The following WASF3 variants were observed in gnomAD, a reference collection of about 807,000 sequenced individuals.
The protein encoded by WASF3 is actin-binding protein WASF3.
WASF3 carries 11 observed loss-of-function variants against 46.6 expected under a neutral mutation model. The ratio of observed to expected loss-of-function variants is 0.24; its 90% CI spans 0.15 to 0.39. The LOEUF (loss-of-function observed/expected upper bound fraction) is 0.39, where lower values mean the gene tolerates loss of function less well. Among genes scored for constraint, WASF3 ranks in the 10% least tolerant of loss-of-function variants. The pLI is 1.00. For synonymous variants in WASF3, 242 were observed against 259.7 expected, an observed-to-expected ratio of 0.93 and a Z score of 0.65; for missense variants, 576 against 669.8, an observed-to-expected ratio of 0.86 and a Z score of 1.55.
At chr13:26,651,656 A>G (rs1235158924) in intron 3 of WASF3, among the ~76,000 whole-genome samples, 2 of 152,246 alleles carry the variant, frequency 1.3e-5, no homozygotes, top group Non-Finnish European at 2.9e-5. Flanking sequence ...ACCATTTGGA[A>G]ACCTGGATCT....
chr13:26,571,256 A>G (rs1879623140), intron 1 of WASF3, among the ~76,000 whole-genome samples: 2 of 146,406 alleles, frequency 1.4e-5, no homozygotes, highest in African/African-American at 5.0e-5. Flanking sequence ...AAATATCTTC[A>G]TGTAGTCAGA....
intron 1 of WASF3, among the ~76,000 whole-genome samples, chr13:26,580,084 A>G (rs1879932913): frequency 6.6e-6 from 1 of 152,166 alleles, no homozygotes; most frequent in Non-Finnish European, 1.5e-5. Flanking sequence ...GTGGCCCAAG[A>G]CAATTCTTCT....
At chr13:26,615,529 G>A (rs145933962) in intron 2 of WASF3, among the ~76,000 whole-genome samples, 2,197 of 152,072 alleles carry the variant, frequency 0.014, 49 homozygotes, top group African/African-American at 0.049. Flanking sequence ...GGATGGTCTC[G>A]ATCTCCTGAC....
the WASF3 span, among the ~76,000 whole-genome samples, chr13:26,544,132 C>T: frequency 6.6e-6 from 1 of 152,118 alleles, no homozygotes; most frequent in East Asian, 1.9e-4. Context: ...CTTACAGGAG[C>T]ATCTAGGAAT....
At chr13:26,603,665 A>G (rs1168761487) in intron 1 of WASF3, among the ~76,000 whole-genome samples, 1 of 152,186 alleles carries the variant, frequency 6.6e-6, no homozygotes, top group Admixed American at 6.5e-5. Flanking sequence ...GTGTCTCTCT[A>G]CTAAAAATAT....
At chr13:26,671,096 A>G (rs2137481219) in intron 5 of WASF3, among the ~76,000 whole-genome samples, 1 of 152,336 alleles carries the variant, frequency 6.6e-6, no homozygotes, top group South Asian at 2.1e-4. Context: ...CTTCAAAAGC[A>G]TTAATAGAAA....
intron 3 of WASF3, among the ~76,000 whole-genome samples, chr13:26,653,543 T>C (rs1334689309): frequency 1.3e-5 from 2 of 152,220 alleles, no homozygotes; most frequent in Non-Finnish European, 2.9e-5. Context: ...TCTTACTTCA[T>C]CTGTTACTGG....
At chr13:26,661,160 A>G (rs1882618308) in intron 3 of WASF3, among the ~76,000 whole-genome samples, 1 of 152,238 alleles carries the variant, frequency 6.6e-6, no homozygotes, top group African/African-American at 2.4e-5. Context: ...GGAGGCAACC[A>G]GCATCCACGC....
At chr13:26,539,847 T>C in the WASF3 span, among the ~76,000 whole-genome samples, 1 of 152,216 alleles carries the variant, frequency 6.6e-6, no homozygotes, top group South Asian at 2.1e-4. Context: ...ACTGGTTCAC[T>C]TGCTGGTTTT....
chr13:26,554,000 T>C, upstream of WASF3, among the ~76,000 whole-genome samples: 1 of 151,834 alleles, frequency 6.6e-6, no homozygotes, highest in African/African-American at 2.4e-5. Context: ...TTCTTTTCTT[T>C]TCCTTTCCTT....
intron 9 of WASF3, among the ~76,000 whole-genome samples, chr13:26,683,586 A>G (rs1346579742): frequency 6.6e-6 from 1 of 152,150 alleles, no homozygotes; most frequent in Non-Finnish European, 1.5e-5. Context: ...ATTCTGCTCT[A>G]AGGGGAAAAG....
rs140514702 is a variant in WASF3, at chr13:26,634,878, C to T, written c.-10-7383C>T. Among the ~76,000 whole-genome samples, 1,148 of 152,246 alleles carry T rather than the reference C, an allele frequency of 7.5e-3. 21 individuals carry two copies. Among genetic ancestry groups the T allele is most frequent in the African/African-American group, 0.025 (1,059 of 41,532 alleles). ...TCCACTGTTAGTCTGATGGGGTTCC[C>T]TTTGTGGGTAACCCGACCTTTCTCT... On this transcript the variant is annotated intron_variant, in intron 2 of 9. Coordinates refer to ENST00000335327, the MANE Select transcript of WASF3 (RefSeq NM_006646.6).
intron 3 of WASF3, among the ~76,000 whole-genome samples, chr13:26,652,052 T>C (rs1280714627): frequency 2.0e-5 from 3 of 152,148 alleles, no homozygotes; most frequent in African/African-American, 4.8e-5. Context: ...AGATGATAGA[T>C]TGAATCCTAA....
At position 26,581,512 on chromosome 13, in the gene WASF3, T is replaced by G. The variant is rs1879979489; in HGVS notation, c.-109+23693T>G. Among the ~76,000 whole-genome samples, 30 of 152,240 alleles carry G rather than the reference T, an allele frequency of 2.0e-4. No homozygotes were observed. The South Asian group carries it at 6.2e-3, about 32-fold the overall frequency. ...TTGAGTTGAGCAAGGCATTTTGATCTATTTCCCCACAGAAATCAGTGGGAA... is the reference window on the plus strand; with the variant it reads ...TTGAGTTGAGCAAGGCATTTTGATCGATTTCCCCACAGAAATCAGTGGGAA... On this transcript the variant is annotated intron_variant, in intron 1 of 9. Transcript: ENST00000335327.
At chr13:26,646,295 T>C (rs1882148633) in intron 3 of WASF3, among the ~76,000 whole-genome samples, 1 of 152,196 alleles carries the variant, frequency 6.6e-6, no homozygotes, top group African/African-American at 2.4e-5. Context: ...TAAAGGAATG[T>C]TTTTATGTTA....
rs779088457 is a variant in WASF3, at chr13:26,682,773, C to A, written c.1150C>A (p.His384Asn). ...CAGCTCCACGCACGCAGCTCCTCCT[C>A]ACCCACCCTCCACCGGGCTCCTGGT... ...SASSTHAAPP[H>N]PPSTGLLVTA... The change falls in exon 9 of 10, where the codon CAC (histidine) becomes AAC (asparagine). Residue 384 changes from histidine (H) to asparagine (N), a missense_variant. Around this residue, in one of 3 missense-constraint regions of WASF3, gnomAD observed 295 missense variants for 291.5 expected, o/e 1.01. Coordinates refer to ENST00000335327, the MANE Select transcript of WASF3 (RefSeq NM_006646.6). The surrounding 1 kb of genome is among the most constrained non-coding windows in gnomAD (Gnocchi z 4.4). The A allele has an allele frequency of 1.9e-6, 3 of 1,612,402 alleles. No homozygotes were observed. The highest frequency in any genetic ancestry group is 2.5e-6 in the Non-Finnish European group (3 of 1,180,024).
chr13:26,578,993 CTTTTTTTTTTT>C (rs200299739), intron 1 of WASF3, among the ~76,000 whole-genome samples: 3 of 60,638 alleles, frequency 4.9e-5, no homozygotes, highest in Admixed American at 2.5e-4. Context: ...GATACATTTC[CTTTTTTTTTTT>C]TTTTTTTTTT....
intron 1 of WASF3, among the ~76,000 whole-genome samples, chr13:26,574,847 T>G (rs1879745348): frequency 6.6e-6 from 1 of 151,906 alleles, no homozygotes; most frequent in African/African-American, 2.4e-5. Flanking sequence ...CTTCTTTTTT[T>G]TTTTTTTGAG....
rs7995874 is a variant in WASF3, at chr13:26,598,609, C to T, written c.-108-14352C>T. 6.2e-3 allele frequency among the ~76,000 whole-genome samples: 944 copies of T among 152,300 alleles called. 11 individuals are homozygous for T. The highest frequency in any genetic ancestry group is 0.022 in the African/African-American group (902 of 41,556). On this transcript the variant is annotated intron_variant, in intron 1 of 9. Transcript: ENST00000335327. ...GCTTTGAAGTAGCATTAATTAGAGTCAGTTTACCATTGGATTCACATAGTT... is the reference window on the plus strand; with the variant it reads ...GCTTTGAAGTAGCATTAATTAGAGTTAGTTTACCATTGGATTCACATAGTT...
Sources: allele counts gnomAD v4.1 joint callset (sites outside exome capture counted in the v4.1 genomes callset), GRCh38; gene constraint gnomAD v4.1.1; regional missense constraint gnomAD v4.1.1; non-coding constraint Gnocchi (gnomAD v3.1); transcripts MANE v1.5; gene names NCBI Gene and HGNC (gene_info 2026-07-23, HGNC 2026-07-21).